MIPOL1: variants seen among roughly 807,000 people sequenced by gnomAD.
MIPOL1 encodes the protein mirror-image polydactyly 1.
Under a neutral mutation model 60.9 loss-of-function variants are expected in MIPOL1, and 57 were observed. The ratio of observed to expected loss-of-function variants is 0.94; its 90% CI spans 0.76 to 1.17. MIPOL1 has a LOEUF of 1.17. MIPOL1 is among the 50% of genes most tolerant of loss of function. The pLI, the probability that MIPOL1 is intolerant of heterozygous loss-of-function variation, is 0.00. For synonymous variants in MIPOL1, 179 were observed against 168.8 expected, an observed-to-expected ratio of 1.06 and a Z score of -0.47; for missense variants, 551 against 511.6, an observed-to-expected ratio of 1.08 and a Z score of -0.74.
chr14:37,421,941 T>C (rs1401748928), intron 10 of MIPOL1, among the ~76,000 whole-genome samples: 2 of 152,054 alleles, frequency 1.3e-5, no homozygotes, highest in African/African-American at 4.8e-5. Context: ...GGTGTCCTAC[T>C]TTGTGAGGTT....
chr14:37,201,487 G>A (rs1170830238), intron 1 of MIPOL1, among the ~76,000 whole-genome samples: 1 of 152,130 alleles, frequency 6.6e-6, no homozygotes, highest in Non-Finnish European at 1.5e-5. Context: ...GATATTTTGA[G>A]TAAAAATATG....
intron 12 of MIPOL1, among the ~76,000 whole-genome samples, chr14:37,528,689 A>T (rs1345923493): frequency 6.6e-6 from 1 of 152,190 alleles, no homozygotes; most frequent in Non-Finnish European, 1.5e-5. Flanking sequence ...GCTAGAATTT[A>T]ATTTGGATTT....
rs572835469 is a variant in MIPOL1, at chr14:37,521,910, A to ATATAT, written c.1262+21773_1262+21774insATATT. Reference sequence around the variant, plus strand: ...GAAAAAAAAATATATATATATATATATTTTTTTTTTCTTTGGCTTCAAAAA... The same window carrying ATATAT: ...GAAAAAAAAATATATATATATATATATATATTTTTTTTTTTCTTTGGCTTCAAAAA... On this transcript the variant is annotated intron_variant, in intron 12 of 12. Coordinates refer to ENST00000684589, the MANE Select transcript of MIPOL1 (RefSeq NM_001388067.1). 9.0e-3 allele frequency among the ~76,000 whole-genome samples: 1,199 copies of ATATAT among 132,748 alleles called. 9 individuals are homozygous for ATATAT. The highest frequency in any genetic ancestry group is 0.038 in the East Asian group (171 of 4,516). The allele number at this position is 132,748 out of a possible 152,430, so 87.1% of individuals were successfully genotyped here.
At chr14:37,405,421 A>G (rs745373880) in intron 10 of MIPOL1, among the ~76,000 whole-genome samples, 1 of 152,114 alleles carries the variant, frequency 6.6e-6, no homozygotes, top group Non-Finnish European at 1.5e-5. Flanking sequence ...ATCTCTTAAA[A>G]ACTTCAGTTT....
In MIPOL1 at chr14:37,499,896, A is replaced by G. The variant is rs780182527; in HGVS notation, c.1032-12A>G. On this transcript the variant is annotated splice_polypyrimidine_tract_variant and intron_variant, in intron 11 of 12. Transcript: ENST00000684589. ...ATTACTTATCTTTAAATTTTTTTTAATATTTTCTCAGTTTACACAAATCTT... is the reference window on the plus strand; with the variant it reads ...ATTACTTATCTTTAAATTTTTTTTAGTATTTTCTCAGTTTACACAAATCTT... 17 of 1,444,456 alleles carry G rather than the reference A, an allele frequency of 1.2e-5. No individual in the cohort carries two copies. The highest frequency in any genetic ancestry group is 1.5e-5 in the Non-Finnish European group (16 of 1,054,372). 89.5% of individuals were successfully genotyped at this position (1,444,456 alleles called of 1,614,324 possible). A position where few individuals can be genotyped will look rare whatever the true frequency, so the allele number is the denominator to read the frequency against.
intron 1 of MIPOL1, among the ~76,000 whole-genome samples, chr14:37,232,372 G>A (rs1453087460): frequency 1.3e-5 from 2 of 152,078 alleles, no homozygotes; most frequent in East Asian, 3.9e-4. Context: ...TCCCTTATTA[G>A]TATCTTGCTA....
intron 10 of MIPOL1, among the ~76,000 whole-genome samples, chr14:37,382,341 C>T (rs1344543415): frequency 6.6e-6 from 1 of 152,000 alleles, no homozygotes; most frequent in East Asian, 1.9e-4. Context: ...AGCGTTCTTT[C>T]TTAACTAAAA....
intron 11 of MIPOL1, among the ~76,000 whole-genome samples, chr14:37,461,431 A>G (rs2094537229): frequency 1.3e-5 from 2 of 152,152 alleles, no homozygotes; most frequent in Admixed American, 1.3e-4. Context: ...ATCTCCCACC[A>G]GGTCCCTCCT....
At chr14:37,365,469 A>G (rs1217210083) in intron 9 of MIPOL1, among the ~76,000 whole-genome samples, 1 of 152,068 alleles carries the variant, frequency 6.6e-6, no homozygotes, top group African/African-American at 2.4e-5. Context: ...AAATGATCAT[A>G]TGGTTTTTGT....
chr14:37,347,387 T>TA (rs1225065953), intron 9 of MIPOL1, among the ~76,000 whole-genome samples: 1 of 152,166 alleles, frequency 6.6e-6, no homozygotes, highest in African/African-American at 2.4e-5. Flanking sequence ...GAAGAGTAGA[T>TA]ACGGCTGAAG....
chr14:37,208,135 G>T (rs932162511), intron 1 of MIPOL1, among the ~76,000 whole-genome samples: 4 of 152,156 alleles, frequency 2.6e-5, no homozygotes, highest in Non-Finnish European at 5.9e-5. Context: ...TGTTTTGGAT[G>T]CATATAGTCA....
intron 10 of MIPOL1, among the ~76,000 whole-genome samples, chr14:37,379,486 C>G (rs1412750142): frequency 6.6e-6 from 1 of 151,976 alleles, no homozygotes; most frequent in Non-Finnish European, 1.5e-5. Context: ...AAATATAAAA[C>G]TTCTGTGTTT....
At chr14:37,401,943 T>C (rs1429783592) in intron 10 of MIPOL1, 3 of 151,794 alleles carry the variant, frequency 2.0e-5, no homozygotes, top group Non-Finnish European at 2.9e-5. Context: ...GGAGTAGGAG[T>C]ATGGATAGAA....
intron 10 of MIPOL1, among the ~76,000 whole-genome samples, chr14:37,398,749 A>C (rs534194405): frequency 2.0e-5 from 3 of 152,326 alleles, no homozygotes; most frequent in African/African-American, 7.2e-5. Context: ...CAGGACATTG[A>C]ACGAGTAAGA....
intron 11 of MIPOL1, among the ~76,000 whole-genome samples, chr14:37,486,183 T>A (rs951857421): frequency 4.6e-5 from 7 of 151,760 alleles, no homozygotes; most frequent in Admixed American, 4.6e-4. Flanking sequence ...TTGTTCTGTT[T>A]CATTCGTCTA....
intron 1 of MIPOL1, among the ~76,000 whole-genome samples, chr14:37,232,198 GAC>G (rs1206956444): frequency 6.6e-6 from 1 of 152,084 alleles, no homozygotes; most frequent in African/African-American, 2.4e-5. Context: ...ATGTTATAAA[GAC>G]ACACTGTGAA....
At chr14:37,285,844 A>T (rs1249009748) in intron 7 of MIPOL1, among the ~76,000 whole-genome samples, 1 of 151,928 alleles carries the variant, frequency 6.6e-6, no homozygotes, top group Non-Finnish European at 1.5e-5. Context: ...TGCCCACCTT[A>T]GCCTCCCTCA....
At chr14:37,245,811 C>T (rs1973113485) in intron 1 of MIPOL1, among the ~76,000 whole-genome samples, 1 of 152,058 alleles carries the variant, frequency 6.6e-6, no homozygotes, top group Admixed American at 6.6e-5. Context: ...ATTTTTAACA[C>T]AGGCTTTTTG....
At chr14:37,382,568 CG>C (rs2092953363) in intron 10 of MIPOL1, among the ~76,000 whole-genome samples, 1 of 151,902 alleles carries the variant, frequency 6.6e-6, no homozygotes, top group African/African-American at 2.4e-5. Context: ...TTTAGACATA[CG>C]GTTTTTACCA....
Sources: gnomAD v4.1 joint callset for allele counts (sites outside exome capture counted in the v4.1 genomes callset) on GRCh38, gnomAD v4.1.1 for gene constraint, MANE v1.5 for transcripts, NCBI Gene and HGNC (gene_info 2026-07-23, HGNC 2026-07-21) for gene names.